The following PARP8 variants were observed in gnomAD, a reference collection of about 807,000 sequenced individuals.
PARP8 encodes the protein protein mono-ADP-ribosyltransferase PARP8.
PARP8 carries 51 observed loss-of-function variants against 124.1 expected under a neutral mutation model. The observed-to-expected ratio is 0.41, with a 90% confidence interval of 0.33 to 0.52. The LOEUF is 0.52. Ranked by LOEUF, PARP8 falls within the 20% of genes least tolerant of loss-of-function variation. The pLI, the probability that PARP8 is intolerant of heterozygous loss-of-function variation, is 0.21. For synonymous variants in PARP8, 391 were observed against 361.5 expected (o/e 1.08, Z -0.93); for missense variants, 860 against 1,018.9 (o/e 0.84, Z 2.12).
intron 15 of PARP8, among the ~76,000 whole-genome samples, chr5:50,818,647 G>T (rs1745396292): frequency 6.8e-6 from 1 of 147,924 alleles, no homozygotes; most frequent in African/African-American, 2.5e-5. Context: ...CCAAAATGCT[G>T]GGATTACAGG....
intron 2 of PARP8, among the ~76,000 whole-genome samples, chr5:50,743,090 T>C (rs1758214595): frequency 6.6e-6 from 1 of 152,122 alleles, no homozygotes; most frequent in Non-Finnish European, 1.5e-5. Flanking sequence ...AGGGGAGCCA[T>C]TCACTCCAAA....
chr5:50,833,916 G>T (rs1283412162), intron 23 of PARP8, 63 bp from the exon 24 acceptor site: 21 of 1,367,772 alleles, frequency 1.5e-5, no homozygotes, highest in Non-Finnish European at 2.2e-5. Flanking sequence ...TTTTAATGAT[G>T]AACAGCTTTT....
At chr5:50,685,466 A>G (rs72753758) in intron 2 of PARP8, among the ~76,000 whole-genome samples, 8,986 of 152,270 alleles carry the variant, frequency 0.059, 330 homozygotes, top group South Asian at 0.18. Flanking sequence ...CAGAGGGGGA[A>G]CATCCTTTCA....
chr5:50,682,219 C>G (rs1281599873), intron 2 of PARP8, among the ~76,000 whole-genome samples: 1 of 152,096 alleles, frequency 6.6e-6, no homozygotes, highest in African/African-American at 2.4e-5. Context: ...GTACATTCTC[C>G]ACTTTTCCTG....
intron 10 of PARP8, among the ~76,000 whole-genome samples, chr5:50,791,871 A>T (rs1741997208): frequency 6.6e-6 from 1 of 152,202 alleles, no homozygotes; most frequent in Non-Finnish European, 1.5e-5. Flanking sequence ...AAAAGTGCGA[A>T]TCAAAATAAA....
At chr5:50,813,895 G>A (rs1364369684) in intron 14 of PARP8, among the ~76,000 whole-genome samples, 2 of 152,038 alleles carry the variant, frequency 1.3e-5, no homozygotes, top group Non-Finnish European at 2.9e-5. Context: ...CATAGTTCAA[G>A]GTTCAGATAA....
chr5:50,812,729 G>T (rs1177144543), intron 14 of PARP8, among the ~76,000 whole-genome samples: 4 of 151,312 alleles, frequency 2.6e-5, no homozygotes, highest in African/African-American at 7.3e-5. Flanking sequence ...GGTTTTAGGT[G>T]TAGCATTTAA....
intron 2 of PARP8, chr5:50,744,779 A>G (rs1758377083): frequency 1.4e-6 from 1 of 701,388 alleles, no homozygotes; most frequent in Admixed American, 2.0e-5. Flanking sequence ...AAAGATGAGT[A>G]TGACTTTTAA....
At chr5:50,768,717 C>T (rs1359621900) in intron 7 of PARP8, among the ~76,000 whole-genome samples, 1 of 152,152 alleles carries the variant, frequency 6.6e-6, no homozygotes, top group Non-Finnish European at 1.5e-5. Context: ...CTTGATTCTG[C>T]ATTTGCTATT....
intron 2 of PARP8, among the ~76,000 whole-genome samples, chr5:50,749,148 T>C (rs1758940919): frequency 6.6e-6 from 1 of 152,210 alleles, no homozygotes; most frequent in Admixed American, 6.5e-5. Context: ...TTTCTGTTTG[T>C]ACATATATTA....
At chr5:50,730,245 G>A (rs574295015) in intron 2 of PARP8, among the ~76,000 whole-genome samples, 1 of 151,952 alleles carries the variant, frequency 6.6e-6, no homozygotes, top group East Asian at 1.9e-4. Flanking sequence ...ATGTCAAACT[G>A]TATTAGTCCG....
chr5:50,803,505 T>C (rs1330075260), intron 14 of PARP8, among the ~76,000 whole-genome samples: 1 of 152,162 alleles, frequency 6.6e-6, no homozygotes, highest in Admixed American at 6.6e-5. Flanking sequence ...TCTTACACTT[T>C]GTTCATTTTT....
At chr5:50,677,925 A>T (rs948403235) in intron 2 of PARP8, among the ~76,000 whole-genome samples, 5 of 129,648 alleles carry the variant, frequency 3.9e-5, no homozygotes, top group Non-Finnish European at 4.6e-5. Flanking sequence ...TACAGAAATT[A>T]AAAAAAAAAA....
rs1748602889 is a variant in PARP8, at chr5:50,846,229, T to G, written c.*4161T>G. 6.6e-6 allele frequency: 1 copy of G among 151,854 alleles called. No individual in the cohort carries two copies. Among genetic ancestry groups the G allele is most frequent in the South Asian group, 2.1e-4 (1 of 4,838 alleles). 9.4% of individuals were successfully genotyped at this position (151,854 alleles called of 1,614,324 possible). ...GTAAACATTAAGATATGCCTATGTTTCTTTAACTATACAGCCTCTTTACAA... is the reference window on the plus strand; with the variant it reads ...GTAAACATTAAGATATGCCTATGTTGCTTTAACTATACAGCCTCTTTACAA... On this transcript the variant is annotated 3_prime_UTR_variant, in exon 26 of 26. Transcript: ENST00000281631.
chr5:50,763,333 T>C (rs1760747486), intron 7 of PARP8, 91 bp downstream of exon 7: 1 of 962,804 alleles, frequency 1.0e-6, no homozygotes, highest in Non-Finnish European at 1.6e-6. Context: ...AAATTTGGGG[T>C]TTTAATTGTA....
chr5:50,683,758 A>G (rs964199254), intron 2 of PARP8, among the ~76,000 whole-genome samples: 1 of 152,172 alleles, frequency 6.6e-6, no homozygotes, highest in Admixed American at 6.5e-5. Context: ...AAGTTCTAAT[A>G]GCAAACAGAA....
At chr5:50,835,883 T>C (rs1232506132) in intron 25 of PARP8, among the ~76,000 whole-genome samples, 12 of 152,162 alleles carry the variant, frequency 7.9e-5, no homozygotes, top group Admixed American at 5.2e-4. Context: ...TACCCTTGGC[T>C]TCCAACCCGT....
In PARP8 at chr5:50,712,338, G is replaced by A. The variant is rs143054239; in HGVS notation, c.147-37813G>A. ...CCCTACAATAAATATGTACAGTTTT[G>A]TGGAGCACCTATAATACAACAAAAT... On this transcript the variant is annotated intron_variant, in intron 2 of 25. Coordinates refer to ENST00000281631, the MANE Select transcript of PARP8 (RefSeq NM_024615.4). Among the ~76,000 whole-genome samples the A allele has an allele frequency of 2.0e-5, 3 of 152,146 alleles. No individual in the cohort carries two copies. The East Asian group carries it at 5.8e-4, about 29-fold the overall frequency.
intron 7 of PARP8, among the ~76,000 whole-genome samples, chr5:50,776,513 A>C (rs889185463): frequency 1.3e-5 from 2 of 152,208 alleles, no homozygotes; most frequent in African/African-American, 4.8e-5. Context: ...AGGAATACCT[A>C]TGCAAATCAT....
Sources: allele counts gnomAD v4.1 joint callset (sites outside exome capture counted in the v4.1 genomes callset), GRCh38; gene constraint gnomAD v4.1.1; transcripts MANE v1.5; gene names NCBI Gene and HGNC (gene_info 2026-07-23, HGNC 2026-07-21).